Variants in TTC28 observed in about 807,000 individuals in gnomAD.
TTC28 encodes tetratricopeptide repeat protein 28.
A neutral mutation model predicts 198.0 loss-of-function variants in TTC28; 61 were observed. The observed-to-expected ratio is 0.31, with a 90% CI of 0.25 to 0.38. TTC28 has a LOEUF of 0.38. TTC28 is among the 10% of genes least tolerant of loss of function. The pLI is 1.00. For missense variants in TTC28, 2,678 were observed against 3,164.0 expected, an observed-to-expected ratio of 0.85 and a Z score of 3.69; for synonymous variants, 1,171 against 1,297.8, an observed-to-expected ratio of 0.90 and a Z score of 2.10.
intron 1 of TTC28, among the ~76,000 whole-genome samples, chr22:28,672,096 A>G (rs2145711530): frequency 6.6e-6 from 1 of 151,960 alleles, no homozygotes; most frequent in East Asian, 1.9e-4. Context: ...GTGTGATCTC[A>G]GCTCACTGCA....
intron 1 of TTC28, among the ~76,000 whole-genome samples, chr22:28,638,420 A>C (rs1405181434): frequency 1.3e-5 from 2 of 152,134 alleles, no homozygotes; most frequent in Non-Finnish European, 2.9e-5. Flanking sequence ...ACAACACATA[A>C]GCCACAAAAC....
intron 2 of TTC28, among the ~76,000 whole-genome samples, chr22:28,505,507 C>G (rs943119125): frequency 1.3e-5 from 2 of 152,102 alleles, no homozygotes; most frequent in Non-Finnish European, 2.9e-5. Flanking sequence ...AAAGGAACCC[C>G]CACCCCCAGC....
intron 2 of TTC28, among the ~76,000 whole-genome samples, chr22:28,367,725 A>T (rs941026756): frequency 7.2e-5 from 11 of 152,076 alleles, no homozygotes; most frequent in African/African-American, 2.7e-4. Flanking sequence ...TGAAATGAAA[A>T]AGCAGATACT....
intron 5 of TTC28, among the ~76,000 whole-genome samples, chr22:28,214,710 G>A (rs963320678): frequency 1.3e-5 from 2 of 152,200 alleles, no homozygotes; most frequent in East Asian, 1.9e-4. Context: ...CAACCATTTT[G>A]GAAGACAGTG....
chr22:28,480,766 G>A (rs2048235549), intron 2 of TTC28, among the ~76,000 whole-genome samples: 2 of 151,416 alleles, frequency 1.3e-5, no homozygotes, highest in Non-Finnish European at 2.9e-5. Flanking sequence ...AACCAAGAAG[G>A]AAAAAAATAC....
At chr22:28,067,593 G>C (rs967238691) in intron 12 of TTC28, among the ~76,000 whole-genome samples, 16 of 152,062 alleles carry the variant, frequency 1.1e-4, no homozygotes, top group Non-Finnish European at 2.1e-4. Context: ...AAACCTACGA[G>C]CTCCTCAAGG....
intron 2 of TTC28, among the ~76,000 whole-genome samples, chr22:28,538,507 G>T (rs192251060): frequency 6.6e-6 from 1 of 151,796 alleles, no homozygotes; most frequent in East Asian, 1.9e-4. Flanking sequence ...GTTGGGTGTG[G>T]TGATAAGAAG....
Position 28,129,761 on chromosome 22 carries a change from T to C in TTC28, c.1442-21358A>G, listed in dbSNP as rs78738245. 1.4e-3 allele frequency among the ~76,000 whole-genome samples: 217 copies of C among 152,338 alleles called. 1 individual carries two copies. The highest frequency in any genetic ancestry group is 6.8e-3 in the Middle Eastern group (2 of 294). On this transcript the variant is annotated intron_variant, in intron 6 of 22. Transcript: ENST00000397906. ...CACTTTTTCCTATGTTTGCACTACA[T>C]TGGCGGGGGAGATGATGCACGTAAA...
At chr22:28,653,688 A>T (rs188701596) in intron 1 of TTC28, among the ~76,000 whole-genome samples, 7 of 152,064 alleles carry the variant, frequency 4.6e-5, no homozygotes, top group African/African-American at 1.7e-4. Context: ...CTCCCATAGA[A>T]GCTGTTTCTC....
At position 28,638,146 on chromosome 22, in the gene TTC28, C is replaced by A. The variant is rs538350544; in HGVS notation, c.103-8316G>T. ...CAACTTTCAACAATGGACAGATCATCCAGACAGAAACCAATACAGAATACA... is the reference window on the plus strand; with the variant it reads ...CAACTTTCAACAATGGACAGATCATACAGACAGAAACCAATACAGAATACA... On this transcript the variant is annotated intron_variant, in intron 1 of 22. Coordinates refer to ENST00000397906, the MANE Select transcript of TTC28 (RefSeq NM_001145418.2). Among the ~76,000 whole-genome samples the A allele has an allele frequency of 3.3e-5, 5 of 152,196 alleles. No individual in the cohort carries two copies. The East Asian group carries it at 7.7e-4, about 23-fold the overall frequency.
At chr22:28,604,734 G>C (rs1267722983) in intron 2 of TTC28, among the ~76,000 whole-genome samples, 2 of 151,996 alleles carry the variant, frequency 1.3e-5, no homozygotes, top group Non-Finnish European at 2.9e-5. Context: ...AACAGAGCAA[G>C]ACTCCAGCTC....
intron 1 of TTC28, among the ~76,000 whole-genome samples, chr22:28,647,462 A>C (rs553077101): frequency 2.0e-5 from 3 of 152,332 alleles, no homozygotes; most frequent in African/African-American, 4.8e-5. Context: ...GAGAGGAAGA[A>C]GGTATTTGCA....
chr22:28,234,662 T>C (rs1929096815), intron 5 of TTC28, among the ~76,000 whole-genome samples: 1 of 152,134 alleles, frequency 6.6e-6, no homozygotes, highest in African/African-American at 2.4e-5. Flanking sequence ...CATGAGCCAC[T>C]AACGCCCGGC....
At chr22:28,007,141 G>A (rs989747484) in intron 14 of TTC28, 3 of 152,148 alleles carry the variant, frequency 2.0e-5, no homozygotes, top group African/African-American at 7.2e-5. Flanking sequence ...AAGGGCTTCA[G>A]GGTATCCAGA....
intron 2 of TTC28, among the ~76,000 whole-genome samples, chr22:28,354,564 T>C (rs1279976992): frequency 2.0e-5 from 3 of 152,166 alleles, no homozygotes; most frequent in South Asian, 4.1e-4. Context: ...AGAGAGTTTC[T>C]GTCTGGGGTG....
intron 5 of TTC28, among the ~76,000 whole-genome samples, chr22:28,261,861 A>G (rs940393920): frequency 2.6e-5 from 4 of 152,122 alleles, no homozygotes; most frequent in African/African-American, 9.7e-5. Context: ...TCATCTCACT[A>G]TTGGAACACC....
chr22:28,543,300 T>C (rs2049458942), intron 2 of TTC28, among the ~76,000 whole-genome samples: 1 of 151,846 alleles, frequency 6.6e-6, no homozygotes, highest in Non-Finnish European at 1.5e-5. Flanking sequence ...ATTATGCCAC[T>C]GTACTCCAGG....
chr22:28,657,845 C>G (rs1028547527), intron 1 of TTC28, among the ~76,000 whole-genome samples: 23 of 151,948 alleles, frequency 1.5e-4, no homozygotes, highest in African/African-American at 5.3e-4. Context: ...CACCACTGCA[C>G]TCGAACCTGG....
intron 5 of TTC28, among the ~76,000 whole-genome samples, chr22:28,170,458 C>T (rs1372667561): frequency 6.8e-6 from 1 of 147,974 alleles, no homozygotes; most frequent in Non-Finnish European, 1.5e-5. Flanking sequence ...CACTGCACTC[C>T]AGCCCGGGTG....
Sources: allele counts gnomAD v4.1 joint callset (sites outside exome capture counted in the v4.1 genomes callset), GRCh38; gene constraint gnomAD v4.1.1; transcripts MANE v1.5; gene names NCBI Gene and HGNC (gene_info 2026-07-23, HGNC 2026-07-21).